Variants in MYO3A observed in about 807,000 individuals in gnomAD.
MYO3A encodes myosin-IIIa.
MYO3A carries 180 observed loss-of-function variants against 192.7 expected under a neutral mutation model. The ratio of observed to expected loss-of-function variants is 0.93; its 90% CI spans 0.83 to 1.06. MYO3A has a LOEUF of 1.06. Among genes scored for constraint, MYO3A ranks in the 50% least tolerant of loss-of-function variants. The pLI is 0.00. For missense variants in MYO3A, 1,896 were observed against 1,905.0 expected (o/e 1.00, Z 0.09); for synonymous variants, 628 against 645.3 (o/e 0.97, Z 0.41).
chr10:26,168,545 A>G (rs1213268041), intron 27 of MYO3A, among the ~76,000 whole-genome samples, 167 bp from the exon 28 acceptor site: 1 of 152,196 alleles, frequency 6.6e-6, no homozygotes, highest in African/African-American at 2.4e-5. Context: ...GTTTTCTTCA[A>G]GCATAAAAAT....
chr10:26,192,815 G>C (rs1843215225), intron 31 of MYO3A, among the ~76,000 whole-genome samples: 1 of 151,938 alleles, frequency 6.6e-6, no homozygotes, highest in African/African-American at 2.4e-5. Context: ...CACCACGCCT[G>C]ACTAATTTTT....
intron 10 of MYO3A, among the ~76,000 whole-genome samples, chr10:26,052,061 G>A (rs1209609438): frequency 6.6e-6 from 1 of 152,166 alleles, no homozygotes; most frequent in Non-Finnish European, 1.5e-5. Context: ...TGCAAACTAT[G>A]TATAAAATCT....
intron 23 of MYO3A, among the ~76,000 whole-genome samples, chr10:26,148,068 G>A (rs575806540): frequency 7.9e-5 from 12 of 152,202 alleles, no homozygotes; most frequent in African/African-American, 2.9e-4. Context: ...TTTTATTGAA[G>A]TATAACTGAA....
intron 14 of MYO3A, among the ~76,000 whole-genome samples, chr10:26,079,728 T>A (rs1218213568): frequency 6.6e-6 from 1 of 152,234 alleles, no homozygotes; most frequent in Non-Finnish European, 1.5e-5. Flanking sequence ...TGGTGAATTC[T>A]CTCAGCATTT....
Position 26,168,832 on chromosome 10 carries a change from A to T in MYO3A, c.3232A>T (p.Ile1078Leu), listed in dbSNP as rs199834305. Residue 1078 changes from isoleucine (I) to leucine (L), a missense_variant, in exon 28 of 35, where the codon ATA (isoleucine) becomes TTA (leucine). Transcript: ENST00000642920. ...AFLCSRRYQK[I>L]QEKRKESAII... ...CTTGTGTTCAAGAAGATACCAAAAA[A>T]TACAGGAGAAAAGGAAAGAAAGCGC... The T allele has an allele frequency of 6.8e-6, 11 of 1,612,602 alleles. No individual in the cohort carries two copies. The highest frequency in any genetic ancestry group is 9.3e-6 in the Non-Finnish European group (11 of 1,179,554).
chr10:26,061,707 G>A (rs17666501), intron 10 of MYO3A, among the ~76,000 whole-genome samples: 71,846 of 151,850 alleles, frequency 0.47, 17,822 homozygotes, highest in Middle Eastern at 0.59. Context: ...AGTTTTTGAC[G>A]GCTAATACCA....
At chr10:26,083,218 A>T (rs901846975) in intron 14 of MYO3A, among the ~76,000 whole-genome samples, 2 of 152,232 alleles carry the variant, frequency 1.3e-5, no homozygotes, top group African/African-American at 4.8e-5. Context: ...TGACAAACTG[A>T]GAGGGCTACT....
intron 14 of MYO3A, among the ~76,000 whole-genome samples, chr10:26,078,721 G>T (rs1003867816): frequency 6.6e-6 from 1 of 151,966 alleles, no homozygotes; most frequent in African/African-American, 2.4e-5. Context: ...TTGTTGTTCA[G>T]TTCGAAGAAT....
At chr10:26,159,211 C>G (rs1158769358) in intron 26 of MYO3A, among the ~76,000 whole-genome samples, 2 of 148,112 alleles carry the variant, frequency 1.4e-5, no homozygotes, top group East Asian at 4.1e-4. Flanking sequence ...AGGATGGTCT[C>G]CATCTCCTGA....
chr10:26,013,920 CACCATGGAAT>C (rs1841824169), intron 6 of MYO3A, among the ~76,000 whole-genome samples: 2 of 152,064 alleles, frequency 1.3e-5, no homozygotes, highest in South Asian at 4.1e-4. Flanking sequence ...TGCATGTATA[CACCATGGAAT>C]ACTACTCAGC....
At chr10:25,989,249 T>C (rs549062173) in intron 4 of MYO3A, among the ~76,000 whole-genome samples, 169 of 150,610 alleles carry the variant, frequency 1.1e-3, no homozygotes, top group African/African-American at 3.9e-3. Context: ...CCAGCCAAAC[T>C]TAGTTTTTTG....
intron 23 of MYO3A, among the ~76,000 whole-genome samples, chr10:26,152,401 T>A (rs1452991465): frequency 6.6e-6 from 1 of 152,208 alleles, no homozygotes; most frequent in Non-Finnish European, 1.5e-5. Context: ...TCCCAAGGTT[T>A]CCCAATGGAA....
intron 17 of MYO3A, among the ~76,000 whole-genome samples, chr10:26,106,760 A>T (rs1249143792): frequency 1.3e-5 from 2 of 152,004 alleles, no homozygotes; most frequent in Admixed American, 1.3e-4. Context: ...CAGTTTGTTG[A>T]TGCCTCCTTA....
At chr10:25,994,373 TTCC>T (rs1336499171) in intron 4 of MYO3A, among the ~76,000 whole-genome samples, 1 of 152,254 alleles carries the variant, frequency 6.6e-6, no homozygotes, top group Non-Finnish European at 1.5e-5. Context: ...TTGGTAGATC[TTCC>T]TCTATCCCTT....
At chr10:26,074,666 A>G (rs984269906) in intron 14 of MYO3A, among the ~76,000 whole-genome samples, 1 of 149,714 alleles carries the variant, frequency 6.7e-6, no homozygotes, top group Non-Finnish European at 1.5e-5. Context: ...ATCGTTTGCA[A>G]ATACTTTTTC....
At chr10:26,127,335 G>A (rs1367945528) in intron 19 of MYO3A, among the ~76,000 whole-genome samples, 1 of 152,012 alleles carries the variant, frequency 6.6e-6, no homozygotes, top group East Asian at 1.9e-4. Flanking sequence ...ATTTATCTCT[G>A]TGGGATCCTG....
At position 25,946,284 on chromosome 10, in the gene MYO3A, A is replaced by G. The variant is rs144460128; in HGVS notation, c.-17-5810A>G. On this transcript the variant is annotated intron_variant, in intron 2 of 34. Coordinates refer to ENST00000642920, the MANE Select transcript of MYO3A (RefSeq NM_017433.5). The stretch of plus-strand genomic sequence containing the variant: ...TTCTTGTAGGGCAGATGGAGTGGTA[A>G]TGAACTCCATCCATTTTTGTTTATC... 3.0e-3 allele frequency among the ~76,000 whole-genome samples: 459 copies of G among 152,288 alleles called. 2 individuals are homozygous for G. Among genetic ancestry groups the G allele is most frequent in the Middle Eastern group, 0.017 (5 of 294 alleles).
At chr10:26,208,233 G>A (rs1368404732) in intron 34 of MYO3A, among the ~76,000 whole-genome samples, 1 of 152,000 alleles carries the variant, frequency 6.6e-6, no homozygotes, top group Admixed American at 6.6e-5. Context: ...AGAGATGTGG[G>A]GTGTTTAGGG....
In MYO3A at chr10:26,195,115, C is replaced by T. The variant is rs146577249; in HGVS notation, c.4545+1804C>T. Among the ~76,000 whole-genome samples the T allele has an allele frequency of 7.9e-4, 121 of 152,218 alleles. 1 individual carries two copies. The highest frequency in any genetic ancestry group is 2.6e-3 in the African/African-American group (107 of 41,532). On this transcript the variant is annotated intron_variant, in intron 32 of 34. Transcript: ENST00000642920. ...CCCACCCCCTGCCCCAAGCTCTAGG[C>T]GATCACCAATCTAGTTTTCTGTTTC...
Sources: allele counts gnomAD v4.1 joint callset (sites outside exome capture counted in the v4.1 genomes callset), GRCh38; gene constraint gnomAD v4.1.1; transcripts MANE v1.5; gene names NCBI Gene and HGNC (gene_info 2026-07-23, HGNC 2026-07-21).